The following THSD4 variants were observed in gnomAD, a reference collection of about 807,000 sequenced individuals.
The protein encoded by THSD4 is thrombospondin type-1 domain-containing protein 4.
THSD4 carries 69 observed loss-of-function variants against 119.0 expected under a neutral mutation model. The ratio of observed to expected loss-of-function variants is 0.58; its 90% CI spans 0.48 to 0.71. THSD4 has a LOEUF of 0.71. THSD4 is among the 30% of genes least tolerant of loss of function. The probability of loss-of-function intolerance (pLI) is 0.00; values close to 1 mark genes in which losing one functional copy is unlikely to be tolerated. For synonymous variants in THSD4, 524 were observed against 540.4 expected, an observed-to-expected ratio of 0.97 and a Z score of 0.42; for missense variants, 1,393 against 1,391.1, an observed-to-expected ratio of 1.00 and a Z score of -0.02.
intron 4 of THSD4, among the ~76,000 whole-genome samples, chr15:71,239,954 C>T (rs1021439463): frequency 6.6e-6 from 1 of 152,218 alleles, no homozygotes; most frequent in Non-Finnish European, 1.5e-5. Context: ...AATCAGATCT[C>T]TCATAAACAC....
intron 7 of THSD4, among the ~76,000 whole-genome samples, chr15:71,565,661 T>C (rs2049222731): frequency 6.6e-6 from 1 of 152,192 alleles, no homozygotes; most frequent in Admixed American, 6.5e-5. Context: ...TGATTTCTGC[T>C]CCAGGGACTC....
chr15:71,125,855 A>T (rs1468210072), intron 1 of THSD4, among the ~76,000 whole-genome samples: 1 of 152,198 alleles, frequency 6.6e-6, no homozygotes, highest in Non-Finnish European at 1.5e-5. Context: ...TGTATGTTGG[A>T]TGGGAGACCC....
intron 7 of THSD4, among the ~76,000 whole-genome samples, chr15:71,503,493 T>A (rs2048142871): frequency 6.6e-6 from 1 of 152,208 alleles, no homozygotes; most frequent in African/African-American, 2.4e-5. Flanking sequence ...CTGTTCCACC[T>A]TGGGATTCCC....
intron 14 of THSD4, among the ~76,000 whole-genome samples, chr15:71,751,800 T>C (rs1419152530): frequency 6.6e-6 from 1 of 152,156 alleles, no homozygotes; most frequent in Non-Finnish European, 1.5e-5. Context: ...CCTGAGTAGC[T>C]GGGATTACAG....
At chr15:71,498,809 C>T (rs942026684) in intron 7 of THSD4, among the ~76,000 whole-genome samples, 8 of 151,964 alleles carry the variant, frequency 5.3e-5, no homozygotes, top group Non-Finnish European at 1.2e-4. Context: ...AATCCTCCTA[C>T]CTCAGCCTCC....
intron 7 of THSD4, among the ~76,000 whole-genome samples, chr15:71,514,207 G>A (rs2048322288): frequency 6.6e-6 from 1 of 152,198 alleles, no homozygotes; most frequent in South Asian, 2.1e-4. Context: ...AGGAAGGCAG[G>A]TAAGGTATCA....
At chr15:71,666,317 A>T (rs2141005891) in intron 8 of THSD4, among the ~76,000 whole-genome samples, 1 of 152,174 alleles carries the variant, frequency 6.6e-6, no homozygotes, top group East Asian at 1.9e-4. Context: ...CATCCCTAGG[A>T]TTCTCTTTTT....
At chr15:71,248,861 A>C (rs771713228) in intron 5 of THSD4, among the ~76,000 whole-genome samples, 15 of 152,214 alleles carry the variant, frequency 9.9e-5, no homozygotes, top group Non-Finnish European at 1.9e-4. Context: ...AAAACTTAGT[A>C]AATGGGCCAG....
intron 8 of THSD4, among the ~76,000 whole-genome samples, chr15:71,692,929 C>T (rs1162180801): frequency 2.6e-5 from 4 of 151,998 alleles, no homozygotes; most frequent in Admixed American, 2.6e-4. Context: ...TTCCATAAAA[C>T]TTCCAAGTGG....
At chr15:71,459,271 G>A (rs2047385819) in intron 7 of THSD4, among the ~76,000 whole-genome samples, 4 of 145,862 alleles carry the variant, frequency 2.7e-5, no homozygotes. Flanking sequence ...CGATTCTCTT[G>A]CCTCAGCCTC....
chr15:71,735,484 C>T (rs1031781918), intron 10 of THSD4, among the ~76,000 whole-genome samples: 12 of 152,170 alleles, frequency 7.9e-5, no homozygotes, highest in African/African-American at 1.4e-4. Context: ...CTCACTAGCT[C>T]TCTGTCTTGC....
chr15:71,632,141 A>T (rs2050643123), intron 7 of THSD4, among the ~76,000 whole-genome samples: 1 of 152,218 alleles, frequency 6.6e-6, no homozygotes, highest in Admixed American at 6.5e-5. Context: ...CTAATTATTA[A>T]CTACTATCAT....
At chr15:71,435,404 GCTAT>G (rs1001605527) in intron 7 of THSD4, among the ~76,000 whole-genome samples, 1 of 152,104 alleles carries the variant, frequency 6.6e-6, no homozygotes, top group Non-Finnish European at 1.5e-5. Context: ...GAGTTTTTAG[GCTAT>G]CTTTCTTTTG....
At chr15:71,563,327 A>T (rs188487260) in intron 7 of THSD4, among the ~76,000 whole-genome samples, 2 of 152,002 alleles carry the variant, frequency 1.3e-5, no homozygotes, top group Non-Finnish European at 2.9e-5. Flanking sequence ...GATAGTAAAG[A>T]CTCTGTTAGT....
chr15:71,596,685 G>A (rs1217409702), intron 7 of THSD4, among the ~76,000 whole-genome samples: 1 of 152,168 alleles, frequency 6.6e-6, no homozygotes, highest in African/African-American at 2.4e-5. Flanking sequence ...AGGCTCAATT[G>A]GGCCAAATTG....
chr15:71,338,272 C>G (rs1240246175), intron 6 of THSD4, among the ~76,000 whole-genome samples: 1 of 122,952 alleles, frequency 8.1e-6, no homozygotes, highest in African/African-American at 3.0e-5. Context: ...GTACCCCCAC[C>G]CCCCGCCCCA....
intron 2 of THSD4, among the ~76,000 whole-genome samples, chr15:71,151,170 T>TGAC (rs1331750629): frequency 6.6e-6 from 1 of 152,156 alleles, no homozygotes; most frequent in Non-Finnish European, 1.5e-5. Flanking sequence ...CGAGTAGAAT[T>TGAC]GACCAGGCAA....
intron 3 of THSD4, among the ~76,000 whole-genome samples, chr15:71,162,484 T>C (rs555361999): frequency 2.8e-4 from 42 of 149,596 alleles, no homozygotes; most frequent in Admixed American, 1.9e-3. Flanking sequence ...AGGTTTCTGC[T>C]AAAAAAAAAA....
At chr15:71,398,012 G>A (rs1389437076) in intron 6 of THSD4, among the ~76,000 whole-genome samples, 1 of 152,178 alleles carries the variant, frequency 6.6e-6, no homozygotes, top group African/African-American at 2.4e-5. Flanking sequence ...TCACTTTTCT[G>A]GGTGTCAGTT....
Sources: gnomAD v4.1 joint callset for allele counts (sites outside exome capture counted in the v4.1 genomes callset) on GRCh38, gnomAD v4.1.1 for gene constraint, MANE v1.5 for transcripts, NCBI Gene and HGNC (gene_info 2026-07-23, HGNC 2026-07-21) for gene names.